RNF14: variants seen among roughly 807,000 people sequenced by gnomAD.
The protein encoded by RNF14 is E3 ubiquitin-protein ligase RNF14.
In RNF14, 26 loss-of-function variants were observed where a neutral mutation model predicts 52.6. The observed-to-expected ratio is 0.49, with a 90% CI of 0.36 to 0.69. The LOEUF is 0.69. Among genes scored for constraint, RNF14 ranks in the 30% least tolerant of loss-of-function variants. The pLI, the probability that RNF14 is intolerant of heterozygous loss-of-function variation, is 0.00. For synonymous variants in RNF14, 194 were observed against 202.0 expected, an observed-to-expected ratio of 0.96 and a Z score of 0.34; for missense variants, 404 against 560.4, an observed-to-expected ratio of 0.72 and a Z score of 2.82.
rs748239865 is a variant in RNF14, at chr5:141,987,759, A to G, written c.1394A>G (p.Asp465Gly). The G allele has an allele frequency of 6.2e-7, 1 of 1,613,830 alleles. No individual in the cohort carries two copies. The highest frequency in any genetic ancestry group is 8.5e-7 in the Non-Finnish European group (1 of 1,180,026). The change falls in exon 9 of 9, where the codon GAC becomes GGC. Residue 465 changes from aspartate to glycine, a missense_variant. Asp to Gly is a moderately conservative substitution (Grantham distance 94, BLOSUM62 -1). Coordinates refer to ENST00000394520, the MANE Select transcript of RNF14 (RefSeq NM_004290.5). ...CTGTTTTATGCTGTGGATGTTGACG[A>G]CGATATTTGGGAAGATGAGGTAGAA... The part of the protein sequence containing the change: ...NRLFYAVDVD[D>G]DIWEDEVED
intron 8 of RNF14, 88 bp from the exon 9 acceptor site, chr5:141,987,645 A>G: frequency 7.9e-7 from 1 of 1,259,516 alleles, no homozygotes; most frequent in Admixed American, 1.7e-5. Flanking sequence ...AAGATGTTAT[A>G]AGAGTACAAA....
upstream of RNF14, among the ~76,000 whole-genome samples, chr5:141,965,954 A>C (rs1348551457): frequency 1.3e-5 from 2 of 151,080 alleles, no homozygotes; most frequent in East Asian, 3.9e-4. Flanking sequence ...ACAAACCTGC[A>C]CATGTACCCA....
At chr5:141,953,642 C>G (rs535289447), upstream of RNF14, among the ~76,000 whole-genome samples, 1 of 152,258 alleles carries the variant, frequency 6.6e-6, no homozygotes, top group Non-Finnish European at 1.5e-5. Context: ...GGCCTATTCT[C>G]TGTTGTCCTG....
At chr5:141,951,129 T>A in the RNF14 span, among the ~76,000 whole-genome samples, 1 of 152,168 alleles carries the variant, frequency 6.6e-6, no homozygotes, top group Non-Finnish European at 1.5e-5. Context: ...AGCCTTCATA[T>A]TATGTTTATG....
upstream of RNF14, chr5:141,957,348 G>C (rs753745732): frequency 2.0e-5 from 33 of 1,613,684 alleles, no homozygotes; most frequent in Non-Finnish European, 2.5e-5. This position sits in a 1 kb window ranked among gnomAD's most constrained non-coding sequence, Gnocchi z 4.3. Flanking sequence ...AGGTGTGCAG[G>C]GTGTTAGGGC....
At chr5:141,959,817 A>G (rs1753241038) in intron 1 of RNF14, among the ~76,000 whole-genome samples, 1 of 152,112 alleles carries the variant, frequency 6.6e-6, no homozygotes, top group Admixed American at 6.5e-5. Flanking sequence ...CAGACAGGCC[A>G]CTCACAAGCT....
chr5:141,980,746 G>A (rs1237710096), intron 6 of RNF14, among the ~76,000 whole-genome samples: 1 of 152,180 alleles, frequency 6.6e-6, no homozygotes, highest in Non-Finnish European at 1.5e-5. Context: ...AAGAAAAACC[G>A]TGCAGATACC....
At chr5:141,987,384 A>G (rs1442219129) in intron 8 of RNF14, among the ~76,000 whole-genome samples, 2 of 152,110 alleles carry the variant, frequency 1.3e-5, no homozygotes, top group Non-Finnish European at 2.9e-5. Context: ...ATTTTGTCCC[A>G]TATCATTGCT....
upstream of RNF14, among the ~76,000 whole-genome samples, chr5:141,953,635 C>T (rs929503873): frequency 6.6e-6 from 1 of 152,230 alleles, no homozygotes; most frequent in Admixed American, 6.5e-5. Context: ...CCCACAGGGC[C>T]TATTCTCTGT....
At chr5:141,957,093 G>C (rs1444812596), upstream of RNF14, 1 of 1,614,142 alleles carries the variant, frequency 6.2e-7, no homozygotes, top group East Asian at 2.2e-5. The surrounding 1 kb of genome is among the most constrained non-coding windows in gnomAD (Gnocchi z 4.3). Flanking sequence ...CATCTTCTTG[G>C]ATTTCCAGTG....
upstream of RNF14, chr5:141,963,031 C>G (rs1473523506): frequency 2.0e-5 from 3 of 152,286 alleles, no homozygotes; most frequent in South Asian, 2.1e-4. Context: ...CCAGCATCCT[C>G]ATGGTCCCCA....
chr5:141,960,445 G>GTTT (rs1753261196), intron 1 of RNF14, among the ~76,000 whole-genome samples: 1 of 152,214 alleles, frequency 6.6e-6, no homozygotes, highest in Non-Finnish European at 1.5e-5. Context: ...AATGGGCAAA[G>GTTT]GCCCCGAAGT....
At chr5:141,958,078 C>G (rs577261624), upstream of RNF14, 14 of 564,978 alleles carry the variant, frequency 2.5e-5, no homozygotes, top group African/African-American at 5.6e-5. Context: ...CAAGAATTGC[C>G]AGGGGAGACC....
At chr5:141,982,858 A>G (rs901265712) in intron 6 of RNF14, among the ~76,000 whole-genome samples, 1 of 152,224 alleles carries the variant, frequency 6.6e-6, no homozygotes, top group Non-Finnish European at 1.5e-5. Flanking sequence ...TAGTGGAAAA[A>G]TCAATGTCTG....
chr5:141,967,408 G>A (rs912553342), upstream of RNF14, among the ~76,000 whole-genome samples: 2 of 152,138 alleles, frequency 1.3e-5, no homozygotes, highest in African/African-American at 4.8e-5. Context: ...GTGAGATTTT[G>A]GTGCACTCAT....
At chr5:141,985,065 G>T in intron 8 of RNF14, 132 bp downstream of exon 8, 2 of 822,682 alleles carry the variant, frequency 2.4e-6, no homozygotes, top group East Asian at 2.6e-5. Flanking sequence ...CCCTATAAAG[G>T]AATTTTCATA....
At chr5:141,977,758 G>A (rs1754393484) in intron 4 of RNF14, among the ~76,000 whole-genome samples, 1 of 152,174 alleles carries the variant, frequency 6.6e-6, no homozygotes, top group Non-Finnish European at 1.5e-5. Context: ...AGGACTCTGA[G>A]GTTGAATTCT....
rs756106893 is a variant in RNF14, at chr5:141,978,699, T to G, written c.703T>G (p.Phe235Val). Reference protein sequence around the residue: ...CEKLGSECMYFLECRHVYCKA... With the variant: ...CEKLGSECMYVLECRHVYCKA... ...GAAGCTGGGTAGTGAATGCATGTAC[T>G]TCTTGGAGTGCAGGCATGTGTACTG... is the stretch of plus-strand genomic sequence containing the variant. The change falls in exon 5 of 9, where the codon TTC (phenylalanine) becomes GTC (valine). Residue 235 changes from phenylalanine (F) to valine (V), a missense_variant. Physicochemically the swap from Phe to Val is conservative, Grantham distance 50. Transcript: ENST00000394520. 7.4e-6 allele frequency: 12 copies of G among 1,614,034 alleles called. No homozygotes were observed. The highest frequency in any genetic ancestry group is 1.0e-5 in the Non-Finnish European group (12 of 1,179,882).
upstream of RNF14, chr5:141,955,738 G>A (rs1286879008): frequency 7.4e-6 from 12 of 1,613,992 alleles, no homozygotes; most frequent in Non-Finnish European, 9.3e-6. This position sits in a 1 kb window ranked among gnomAD's most constrained non-coding sequence, Gnocchi z 5.5. Flanking sequence ...CTTGCGGGCT[G>A]AGTCCCTCAG....
Sources: allele counts gnomAD v4.1 joint callset (sites outside exome capture counted in the v4.1 genomes callset), GRCh38; gene constraint gnomAD v4.1.1; non-coding constraint Gnocchi (gnomAD v3.1); transcripts MANE v1.5; gene names NCBI Gene and HGNC (gene_info 2026-07-23, HGNC 2026-07-21).